Variants in DENND4C observed in about 807,000 individuals in gnomAD.
DENND4C encodes the protein DENN domain-containing protein 4C.
A neutral mutation model predicts 203.0 loss-of-function variants in DENND4C; 108 were observed. The ratio of observed to expected loss-of-function variants is 0.53; its 90% CI spans 0.46 to 0.62. DENND4C has a LOEUF of 0.62. Ranked by LOEUF, DENND4C falls within the 20% of genes least tolerant of loss-of-function variation. DENND4C has a pLI of 0.00. For missense variants in DENND4C, 2,481 were observed against 2,301.2 expected (o/e 1.08, Z -1.60); for synonymous variants, 871 against 792.4 (o/e 1.10, Z -1.67).
rs557369943 is a variant in DENND4C, at chr9:19,243,813, T to C, written c.-18+12980T>C. The stretch of plus-strand genomic sequence containing the variant: ...GCTGCTATGAATATTTACATACAGA[T>C]TTTTTTGTTTGTTTTTGAGACGAAG... On this transcript the variant is annotated intron_variant, in intron 1 of 32. Coordinates refer to ENST00000434457, the MANE Select transcript of DENND4C (RefSeq NM_001330640.2). Among the ~76,000 whole-genome samples, 4 of 152,210 alleles carry C rather than the reference T, an allele frequency of 2.6e-5. No homozygotes were observed. In the South Asian group the frequency reaches 8.3e-4, roughly 32 times the overall value.
intron 1 of DENND4C, among the ~76,000 whole-genome samples, chr9:19,244,739 CAAAA>C (rs11459976): frequency 7.0e-6 from 1 of 142,384 alleles, no homozygotes; most frequent in Non-Finnish European, 1.5e-5. Context: ...GACCCCACCT[CAAAA>C]AAAAAAAAAA....
rs545637582 is a variant in DENND4C at position 19,326,302 on chromosome 9, G to T, written c.2120+108G>T. ...TTTGTGAAACTCATTTTCAGTATTA[G>T]TTCAGTGAACTAATGTAGATAAATA... On this transcript the variant is annotated intron_variant, in intron 15 of 32. Transcript: ENST00000434457. 108 of 1,210,008 alleles carry T rather than the reference G, an allele frequency of 8.9e-5. 2 individuals carry two copies. The South Asian group carries it at 1.9e-3, about 22-fold the overall frequency. The allele number at this position is 1,210,008 out of a possible 1,614,324, so 75.0% of individuals were successfully genotyped here.
At chr9:19,232,858 TAACTC>T (rs1054903076) in intron 1 of DENND4C, among the ~76,000 whole-genome samples, 2 of 152,150 alleles carry the variant, frequency 1.3e-5, no homozygotes, top group African/African-American at 2.4e-5. Flanking sequence ...TTATAAATAA[TAACTC>T]AATAAGGCAC....
intron 1 of DENND4C, among the ~76,000 whole-genome samples, chr9:19,257,853 G>T (rs968122316): frequency 6.6e-6 from 1 of 152,210 alleles, no homozygotes; most frequent in African/African-American, 2.4e-5. Context: ...ATAGGGGCTG[G>T]GCAAGGTGGC....
At chr9:19,306,479 C>A (rs1839682186) in intron 10 of DENND4C, among the ~76,000 whole-genome samples, 1 of 152,088 alleles carries the variant, frequency 6.6e-6, no homozygotes, top group South Asian at 2.1e-4. Context: ...GAACAACTTG[C>A]ATGAATTAGT....
rs758678403 is a variant in DENND4C at position 19,326,135 on chromosome 9, A to G, written c.2061A>G (p.Val687=). The part of the protein sequence containing the change: ...LDDSQKSEHT[V]FIMPPEPPPD... ...ATTCACAGAAAAGTGAGCATACTGT[A>G]TTTATAATGCCGCCAGAGCCACCTC... Residue 687 remains valine (V), a synonymous_variant, in exon 15 of 33, where the codon GTA becomes GTG. Coordinates refer to ENST00000434457, the MANE Select transcript of DENND4C (RefSeq NM_001330640.2). 1.2e-6 allele frequency: 2 copies of G among 1,613,542 alleles called. No homozygotes were observed. Among genetic ancestry groups the G allele is most frequent in the Admixed American group, 1.7e-5 (1 of 59,964 alleles).
chr9:19,299,720 G>T (rs1258931866), intron 8 of DENND4C, among the ~76,000 whole-genome samples: 1 of 152,000 alleles, frequency 6.6e-6, no homozygotes, highest in African/African-American at 2.4e-5. Flanking sequence ...TCTTCCTTTA[G>T]TTCTTTATCC....
At chr9:19,264,901 A>T (rs1830173898) in intron 1 of DENND4C, among the ~76,000 whole-genome samples, 1 of 151,748 alleles carries the variant, frequency 6.6e-6, no homozygotes, top group Non-Finnish European at 1.5e-5. Context: ...AAGTTTTTCT[A>T]CTTTTTTGAT....
intron 1 of DENND4C, among the ~76,000 whole-genome samples, chr9:19,258,431 T>C (rs1045310653): frequency 1.6e-4 from 25 of 152,160 alleles, no homozygotes; most frequent in African/African-American, 5.6e-4. Context: ...CGTTAACATA[T>C]ATAAAATTTC....
intron 1 of DENND4C, among the ~76,000 whole-genome samples, chr9:19,269,110 C>T (rs975304732): frequency 1.3e-5 from 2 of 152,128 alleles, no homozygotes; most frequent in African/African-American, 2.4e-5. Flanking sequence ...AGGTGTGCTT[C>T]ATTCTTTTTT....
chr9:19,258,979 A>G (rs557937902), intron 1 of DENND4C, among the ~76,000 whole-genome samples: 1 of 152,112 alleles, frequency 6.6e-6, no homozygotes, highest in Non-Finnish European at 1.5e-5. Flanking sequence ...TTATGGGTAC[A>G]TAGTAGGTGT....
chr9:19,275,559 C>A (rs1216885594), intron 1 of DENND4C, among the ~76,000 whole-genome samples: 1 of 151,958 alleles, frequency 6.6e-6, no homozygotes, highest in East Asian at 1.9e-4. Flanking sequence ...CAGCTTCTGC[C>A]CCCTGGGTTC....
rs991942417 is a variant in DENND4C, at chr9:19,276,545, G to T, written c.305+66G>T. ...ATTTATTTAAGGGCCATGGAAGTAG[G>T]AATTTGAAATCCTTGATAGTTTTAT... is the stretch of plus-strand genomic sequence containing the variant. On this transcript the variant is annotated intron_variant, in intron 2 of 32. Transcript: ENST00000434457. 20 of 960,668 alleles carry T rather than the reference G, an allele frequency of 2.1e-5. No homozygotes were observed. In the African/African-American group the frequency reaches 3.4e-4, roughly 16 times the overall value. The allele number at this position is 960,668 out of a possible 1,614,324, so 59.5% of individuals were successfully genotyped here. A position where few individuals can be genotyped will look rare whatever the true frequency, so the allele number is the denominator to read the frequency against.
rs1824408314 is a variant in DENND4C, at chr9:19,352,607, A to G, written c.4723A>G (p.Lys1575Glu). ...TTTGAATACAGCTTGTCCATTCTGT[A>G]AAAGCAACTTCTTGCCTCTTCTCAA... ...SNLNTACPFC[K>E]SNFLPLLNIE... The change falls in exon 26 of 33, where the codon AAA becomes GAA. Residue 1575 changes from lysine to glutamate, a missense_variant. Physicochemically the swap from Lys to Glu is moderately conservative, Grantham distance 56 (BLOSUM62 1). Around this residue, in one of 3 missense-constraint regions of DENND4C, gnomAD observed 2,289 missense variants for 2,113.3 expected, o/e 1.08. Transcript: ENST00000434457. 5 of 1,613,662 alleles carry G rather than the reference A, an allele frequency of 3.1e-6. No individual in the cohort carries two copies. The highest frequency in any genetic ancestry group is 4.2e-6 in the Non-Finnish European group (5 of 1,179,718).
At chr9:19,308,699 C>G (rs148522279) in intron 10 of DENND4C, among the ~76,000 whole-genome samples, 319 of 152,144 alleles carry the variant, frequency 2.1e-3, no homozygotes, top group African/African-American at 7.4e-3. Context: ...TTATGGAGTA[C>G]TGTTTTTGGT....
chr9:19,238,820 A>G (rs1822955313), intron 1 of DENND4C, among the ~76,000 whole-genome samples: 2 of 149,014 alleles, frequency 1.3e-5, no homozygotes, highest in Non-Finnish European at 3.0e-5. Flanking sequence ...CGTCCATCTA[A>G]TTTTATATTT....
At chr9:19,328,500 C>G (rs529315934) in intron 16 of DENND4C, among the ~76,000 whole-genome samples, 8 of 152,178 alleles carry the variant, frequency 5.3e-5, no homozygotes, top group Non-Finnish European at 1.2e-4. Flanking sequence ...GTGATCCCAG[C>G]TACTCGGGAG....
intron 12 of DENND4C, among the ~76,000 whole-genome samples, chr9:19,319,373 T>TACAC (rs1258352434): frequency 4.4e-5 from 6 of 136,052 alleles, no homozygotes; most frequent in South Asian, 2.1e-4. Flanking sequence ...CACATATATA[T>TACAC]ACACATACAT....
chr9:19,287,016 G>A lies in DENND4C; in HGVS notation c.553G>A (p.Gly185Arg). 1 of 1,231,978 alleles carries A rather than the reference G, an allele frequency of 8.1e-7. No homozygotes were observed. The highest frequency in any genetic ancestry group is 1.0e-6 in the Non-Finnish European group (1 of 987,928). The allele number at this position is 1,231,978 out of a possible 1,614,324, so 76.3% of individuals were successfully genotyped here. A position where few individuals can be genotyped will look rare whatever the true frequency, so the allele number is the denominator to read the frequency against. Reference sequence around the variant, plus strand: ...CAAAGTTGACAAAAACTTAAATTGTGGAATGGTAAGAATAAAGTTTTCATC... The same window carrying A: ...CAAAGTTGACAAAAACTTAAATTGTAGAATGGTAAGAATAAAGTTTTCATC... The part of the protein sequence containing the change: ...FCKVDKNLNC[G>R]MWGSSVFLCY... The change falls in exon 3 of 33, where the codon GGA becomes AGA. Residue 185 changes from glycine to arginine, a missense_variant. Transcript: ENST00000434457.
Sources: allele counts gnomAD v4.1 joint callset (sites outside exome capture counted in the v4.1 genomes callset), GRCh38; gene constraint gnomAD v4.1.1; regional missense constraint gnomAD v4.1.1; transcripts MANE v1.5; gene names NCBI Gene and HGNC (gene_info 2026-07-23, HGNC 2026-07-21).